TBC1D32: variants seen among roughly 807,000 people sequenced by gnomAD.
TBC1D32 encodes the protein protein broad-minded.
In TBC1D32, 151 loss-of-function variants were observed where a neutral mutation model predicts 170.3. The observed-to-expected ratio is 0.89, with a 90% confidence interval of 0.78 to 1.01. TBC1D32 has a LOEUF of 1.01. Among genes scored for constraint, TBC1D32 ranks in the 50% least tolerant of loss-of-function variants. The pLI, the probability that TBC1D32 is intolerant of heterozygous loss-of-function variation, is 0.00. For missense variants in TBC1D32, 1,464 were observed against 1,457.1 expected (o/e 1.00, Z -0.08); for synonymous variants, 498 against 488.0 (o/e 1.02, Z -0.27).
intron 30 of TBC1D32, among the ~76,000 whole-genome samples, chr6:121,098,552 A>G (rs1777680549): frequency 6.6e-6 from 1 of 152,032 alleles, no homozygotes; most frequent in African/African-American, 2.4e-5. Context: ...CTATGAAGCA[A>G]CATGAAAAAC....
intron 9 of TBC1D32, among the ~76,000 whole-genome samples, chr6:121,302,755 T>C (rs1806685272): frequency 6.6e-6 from 1 of 152,180 alleles, no homozygotes; most frequent in Non-Finnish European, 1.5e-5. Flanking sequence ...AAAGGGTTCA[T>C]CTTAAATTAA....
At chr6:121,200,269 C>T (rs1386965987) in intron 22 of TBC1D32, among the ~76,000 whole-genome samples, 2 of 151,172 alleles carry the variant, frequency 1.3e-5, no homozygotes, top group Non-Finnish European at 2.9e-5. Flanking sequence ...AAACTAAGTA[C>T]ATCTTTAGCA....
chr6:121,317,731 T>C lies in TBC1D32; in HGVS notation c.318-59A>G, dbSNP rs571092966. ...ACGATCAGAAATTAAAACAGTCAAC[T>C]AGTTAAATTATCTAATTTTTTTTCT... On this transcript the variant is annotated intron_variant, in intron 2 of 31. Coordinates refer to ENST00000398212, the MANE Select transcript of TBC1D32 (RefSeq NM_152730.6). 1.4e-4 allele frequency: 176 copies of C among 1,222,650 alleles called. No homozygotes were observed. In the African/African-American group the frequency reaches 2.6e-3, roughly 18 times the overall value. 75.7% of individuals were successfully genotyped at this position (1,222,650 alleles called of 1,614,324 possible).
intron 31 of TBC1D32, among the ~76,000 whole-genome samples, chr6:121,086,935 T>C (rs1023354965): frequency 6.6e-6 from 1 of 152,252 alleles, no homozygotes; most frequent in African/African-American, 2.4e-5. Context: ...TTTACTTTGT[T>C]GGATGTTTTT....
At chr6:121,279,004 C>T in intron 15 of TBC1D32, 117 bp downstream of exon 15, 1 of 1,116,866 alleles carries the variant, frequency 9.0e-7, no homozygotes, top group African/African-American at 1.6e-5. Context: ...ACTCTGGCTG[C>T]ATAGTCCATA....
At chr6:121,103,397 T>C (rs1276094362) in intron 30 of TBC1D32, among the ~76,000 whole-genome samples, 1 of 151,884 alleles carries the variant, frequency 6.6e-6, no homozygotes, top group Non-Finnish European at 1.5e-5. Context: ...TGGAATACTA[T>C]GCAGCCATAA....
chr6:121,262,659 TACAG>T lies in TBC1D32; in HGVS notation c.1734-6378_1734-6375del, dbSNP rs1160257074. 3.3e-5 allele frequency among the ~76,000 whole-genome samples: 5 copies of T among 152,042 alleles called. No individual in the cohort carries two copies. The East Asian group carries it at 9.7e-4, about 29-fold the overall frequency. On this transcript the variant is annotated intron_variant, in intron 15 of 31. Coordinates refer to ENST00000398212, the MANE Select transcript of TBC1D32 (RefSeq NM_152730.6). ...ACCTGGCTAATTTTTCTATTTTTAG[TACAG>T]ACAGAGTTTCGCCATGTTGGCCAGG...
At chr6:121,288,473 T>C (rs1470022795) in intron 12 of TBC1D32, among the ~76,000 whole-genome samples, 2 of 152,174 alleles carry the variant, frequency 1.3e-5, no homozygotes, top group Non-Finnish European at 2.9e-5. Flanking sequence ...AATCTCTGAA[T>C]AGACCAATAA....
intron 17 of TBC1D32, 36 bp downstream of exon 17, chr6:121,255,292 T>C (rs1798811473): frequency 1.6e-6 from 2 of 1,255,440 alleles, no homozygotes; most frequent in East Asian, 2.7e-5. Flanking sequence ...TTTCAGCAAA[T>C]ATAATAAATG....
chr6:121,332,530 T>C (rs201152837), intron 1 of TBC1D32, among the ~76,000 whole-genome samples: 1 of 152,206 alleles, frequency 6.6e-6, no homozygotes, highest in East Asian at 1.9e-4. Flanking sequence ...ATAAATAAGT[T>C]TGAAAATCTA....
intron 15 of TBC1D32, among the ~76,000 whole-genome samples, chr6:121,278,715 A>T (rs543862019): frequency 6.6e-6 from 1 of 152,172 alleles, no homozygotes; most frequent in Admixed American, 6.6e-5. Flanking sequence ...TAAAGAGAAG[A>T]TAAAATATGA....
intron 15 of TBC1D32, among the ~76,000 whole-genome samples, chr6:121,270,066 A>G (rs1801141131): frequency 6.6e-6 from 1 of 152,194 alleles, no homozygotes. Context: ...GAAACCAACG[A>G]GAACAAAGAC....
intron 30 of TBC1D32, among the ~76,000 whole-genome samples, chr6:121,094,224 G>A (rs1303211062): frequency 6.6e-6 from 1 of 151,802 alleles, no homozygotes; most frequent in Non-Finnish European, 1.5e-5. Context: ...CTGGAGTGCA[G>A]TGGTGCAATC....
intron 21 of TBC1D32, among the ~76,000 whole-genome samples, chr6:121,215,120 C>G (rs967530197): frequency 2.0e-5 from 3 of 152,230 alleles, no homozygotes; most frequent in Non-Finnish European, 4.4e-5. Flanking sequence ...CCAAGTCTGG[C>G]TGAGTCTGGG....
chr6:121,230,294 G>A (rs1476785797), intron 20 of TBC1D32, among the ~76,000 whole-genome samples: 3 of 151,896 alleles, frequency 2.0e-5, no homozygotes, highest in East Asian at 3.9e-4. Context: ...TTAAACATAC[G>A]GATGCTGATA....
chr6:121,249,572 G>A (rs1798040934), intron 17 of TBC1D32, among the ~76,000 whole-genome samples: 1 of 151,830 alleles, frequency 6.6e-6, no homozygotes, highest in Non-Finnish European at 1.5e-5. Flanking sequence ...AAACTCTGAA[G>A]AGTCATCCAA....
At chr6:121,262,928 C>T (rs1019071548) in intron 15 of TBC1D32, among the ~76,000 whole-genome samples, 3 of 151,822 alleles carry the variant, frequency 2.0e-5, no homozygotes, top group African/African-American at 7.3e-5. Context: ...CTGAAGCAAG[C>T]ACTAAATAGG....
intron 15 of TBC1D32, among the ~76,000 whole-genome samples, chr6:121,265,628 A>G (rs1374175649): frequency 6.6e-6 from 1 of 152,120 alleles, no homozygotes; most frequent in East Asian, 1.9e-4. Context: ...AGTCAATCCT[A>G]AACAAAAAGA....
At chr6:121,307,432 G>A (rs1049773496) in intron 5 of TBC1D32, among the ~76,000 whole-genome samples, 5 of 152,050 alleles carry the variant, frequency 3.3e-5, no homozygotes, top group Admixed American at 6.6e-5. Context: ...AAGATAAAAT[G>A]CACAAGGTAG....
Sources: allele counts gnomAD v4.1 joint callset (sites outside exome capture counted in the v4.1 genomes callset), GRCh38; gene constraint gnomAD v4.1.1; transcripts MANE v1.5; gene names NCBI Gene and HGNC (gene_info 2026-07-23, HGNC 2026-07-21).